Variants in PDE3A observed in about 807,000 individuals in gnomAD.
PDE3A encodes phosphodiesterase 3A.
PDE3A carries 43 observed loss-of-function variants against 98.3 expected under a neutral mutation model. The observed-to-expected ratio is 0.44, with a 90% confidence interval of 0.34 to 0.56. PDE3A has a LOEUF of 0.56. Among genes scored for constraint, PDE3A ranks in the 20% least tolerant of loss-of-function variants. The pLI is 0.01. For synonymous variants in PDE3A, 663 were observed against 567.9 expected (o/e 1.17, Z -2.38); for missense variants, 1,427 against 1,440.7 (o/e 0.99, Z 0.15).
At chr12:20,484,210 T>C (rs2121017411) in intron 1 of PDE3A, among the ~76,000 whole-genome samples, 1 of 152,308 alleles carries the variant, frequency 6.6e-6, no homozygotes, top group South Asian at 2.1e-4. Context: ...CTCAAACTAG[T>C]CCCTCTGAGT....
chr12:20,451,767 A>ATGAAT (rs1258034887), intron 1 of PDE3A, among the ~76,000 whole-genome samples: 1 of 152,196 alleles, frequency 6.6e-6, no homozygotes, highest in African/African-American at 2.4e-5. Context: ...CATGTGTGAG[A>ATGAAT]TGAATGTGTT....
chr12:20,584,982 A>G (rs574791408), intron 2 of PDE3A, among the ~76,000 whole-genome samples: 3 of 152,340 alleles, frequency 2.0e-5, no homozygotes, highest in South Asian at 2.1e-4. Context: ...GTTTCACTAT[A>G]GAAAATACGT....
intron 1 of PDE3A, among the ~76,000 whole-genome samples, chr12:20,467,989 T>TAATGGATG (rs1945373226): frequency 8.4e-6 from 1 of 118,516 alleles, no homozygotes; most frequent in Non-Finnish European, 1.7e-5. Flanking sequence ...AAGAGTTGCT[T>TAATGGATG]AATGGATGAG....
At chr12:20,676,682 G>A (rs1945650568) in intron 15 of PDE3A, among the ~76,000 whole-genome samples, 1 of 151,938 alleles carries the variant, frequency 6.6e-6, no homozygotes, top group Non-Finnish European at 1.5e-5. Context: ...TGTATTTTTA[G>A]TAGAGATGGA....
chr12:20,576,951 G>A (rs561075837), intron 2 of PDE3A, among the ~76,000 whole-genome samples: 63 of 151,468 alleles, frequency 4.2e-4, no homozygotes, highest in Admixed American at 3.5e-3. Flanking sequence ...AACTAAACCA[G>A]GTGAGGTCCC....
chr12:20,585,104 C>T (rs12813069), intron 2 of PDE3A, among the ~76,000 whole-genome samples: 47,379 of 151,970 alleles, frequency 0.31, 7,615 homozygotes, highest in Admixed American at 0.38. Flanking sequence ...CTGATTATGT[C>T]GGAGGATTTC....
intron 1 of PDE3A, among the ~76,000 whole-genome samples, chr12:20,443,510 T>C (rs1565550949): frequency 6.6e-6 from 1 of 152,118 alleles, no homozygotes; most frequent in Admixed American, 6.5e-5. Context: ...AAATCGAAAA[T>C]AAATATCTGT....
intron 2 of PDE3A, among the ~76,000 whole-genome samples, chr12:20,581,412 A>T (rs976277659): frequency 6.6e-6 from 1 of 152,158 alleles, no homozygotes; most frequent in African/African-American, 2.4e-5. Flanking sequence ...AGTTGTAAGG[A>T]ACTAAGACAG....
At chr12:20,450,234 T>A (rs1236261590) in intron 1 of PDE3A, among the ~76,000 whole-genome samples, 3 of 152,206 alleles carry the variant, frequency 2.0e-5, no homozygotes, top group African/African-American at 7.2e-5. Context: ...ACTAGAGTTG[T>A]CTAGTTTCTC....
chr12:20,541,096 T>C (rs1404715308), intron 1 of PDE3A, among the ~76,000 whole-genome samples: 3 of 114,904 alleles, frequency 2.6e-5, no homozygotes, highest in Non-Finnish European at 5.4e-5. Flanking sequence ...TTTTTTTTTT[T>C]TTTTTTTTTT....
chr12:20,537,516 T>G (rs1478487938), intron 1 of PDE3A, among the ~76,000 whole-genome samples: 1 of 152,138 alleles, frequency 6.6e-6, no homozygotes, highest in Non-Finnish European at 1.5e-5. Flanking sequence ...TTATTAGTTT[T>G]TTAATTACAG....
chr12:20,648,350 T>A lies in PDE3A; in HGVS notation c.2566-338T>A, dbSNP rs183815054. On this transcript the variant is annotated intron_variant, in intron 12 of 15. Coordinates refer to ENST00000359062, the MANE Select transcript of PDE3A (RefSeq NM_000921.5). ...TTTTCTTTCTCCCTCCTCTTTTCTA[T>A]TTGTATATAATTTTTATGTTTAAAT... is the stretch of plus-strand genomic sequence containing the variant. Among the ~76,000 whole-genome samples the A allele has an allele frequency of 3.2e-3, 483 of 151,160 alleles. 6 individuals are homozygous for A. The highest frequency in any genetic ancestry group is 0.011 in the African/African-American group (460 of 41,390).
chr12:20,515,288 A>G (rs1946297119), intron 1 of PDE3A, among the ~76,000 whole-genome samples: 1 of 152,224 alleles, frequency 6.6e-6, no homozygotes, highest in African/African-American at 2.4e-5. Context: ...TACTGAAGAA[A>G]TGGTTGTTGA....
At chr12:20,387,521 C>T (rs970997838) in intron 1 of PDE3A, among the ~76,000 whole-genome samples, 7 of 151,972 alleles carry the variant, frequency 4.6e-5, no homozygotes, top group Non-Finnish European at 8.8e-5. Context: ...AAGGCTTTCT[C>T]TATTAGTCTT....
At chr12:20,577,775 A>G (rs1942970364) in intron 2 of PDE3A, among the ~76,000 whole-genome samples, 1 of 152,214 alleles carries the variant, frequency 6.6e-6, no homozygotes, top group Admixed American at 6.5e-5. Context: ...AATGGAATTT[A>G]ACACATACAG....
Position 20,650,484 on chromosome 12 carries a change from G to A in PDE3A, c.2809G>A (p.Asp937Asn). 1 of 1,610,328 alleles carries A rather than the reference G, an allele frequency of 6.2e-7. No homozygotes were observed. Among genetic ancestry groups the A allele is most frequent in the Non-Finnish European group, 8.5e-7 (1 of 1,177,062 alleles). ...TGGAATAGATTGGACCAATGAAAAT[G>A]ATCGTCTACTGGTTTGTCAAATGTG... ...DVGIDWTNEN[D>N]RLLVCQMCIK... The change falls in exon 14 of 16, where the codon GAT (aspartate) becomes AAT (asparagine). Residue 937 changes from aspartate to asparagine, a missense_variant. This residue lies in a region of PDE3A where 273 missense variants were observed against 420.3 expected (regional missense o/e 0.65). Coordinates refer to ENST00000359062, the MANE Select transcript of PDE3A (RefSeq NM_000921.5).
chr12:20,634,066 CTAGAGT>C (rs1411092217), intron 7 of PDE3A, among the ~76,000 whole-genome samples: 1 of 152,072 alleles, frequency 6.6e-6, no homozygotes, highest in Non-Finnish European at 1.5e-5. Flanking sequence ...CTCCTACTCT[CTAGAGT>C]TAATCATTGG....
chr12:20,512,271 AG>A (rs1244660604), intron 1 of PDE3A, among the ~76,000 whole-genome samples: 1 of 152,112 alleles, frequency 6.6e-6, no homozygotes, highest in Non-Finnish European at 1.5e-5. Flanking sequence ...GAGGGGGCAC[AG>A]TATAAGAGAC....
intron 15 of PDE3A, among the ~76,000 whole-genome samples, chr12:20,663,271 A>C (rs892519484): frequency 2.0e-5 from 3 of 152,190 alleles, no homozygotes; most frequent in Non-Finnish European, 4.4e-5. Context: ...GGCAGTATGG[A>C]AGGGAAATGT....
Sources: gnomAD v4.1 joint callset for allele counts (sites outside exome capture counted in the v4.1 genomes callset) on GRCh38, gnomAD v4.1.1 for gene constraint, gnomAD v4.1.1 regional missense constraint, MANE v1.5 for transcripts, NCBI Gene and HGNC (gene_info 2026-07-23, HGNC 2026-07-21) for gene names.